CEP63: variants seen among roughly 807,000 people sequenced by gnomAD.
CEP63 encodes centrosomal protein 63.
In CEP63, 84 loss-of-function variants were observed where a neutral mutation model predicts 89.1. The observed-to-expected ratio is 0.94, with a 90% CI of 0.79 to 1.13. CEP63 has a LOEUF of 1.13. Among genes scored for constraint, CEP63 ranks in the 50% most tolerant of loss-of-function variants. The pLI, the probability that CEP63 is intolerant of heterozygous loss-of-function variation, is 0.00. For missense variants in CEP63, 838 were observed against 813.3 expected, an observed-to-expected ratio of 1.03 and a Z score of -0.37; for synonymous variants, 267 against 272.5, an observed-to-expected ratio of 0.98 and a Z score of 0.20.
chr3:134,521,403 A>G (rs542066434), intron 3 of CEP63, among the ~76,000 whole-genome samples: 16 of 151,284 alleles, frequency 1.1e-4, no homozygotes, highest in African/African-American at 3.6e-4. Context: ...GTAGTAGAAG[A>G]TACACATTTT....
chr3:134,642,289 A>G, the CEP63 span, among the ~76,000 whole-genome samples: 2 of 152,152 alleles, frequency 1.3e-5, no homozygotes, highest in Non-Finnish European at 2.9e-5. Context: ...CATATGGGGC[A>G]TGGGGGAAAT....
In CEP63 at chr3:134,550,054, T is replaced by G. The variant is rs749009577; in HGVS notation, c.1183-9T>G. The G allele has an allele frequency of 1.5e-5, 24 of 1,606,402 alleles. No individual in the cohort carries two copies. Among genetic ancestry groups the G allele is most frequent in the Non-Finnish European group, 2.0e-5 (23 of 1,173,084 alleles). On this transcript the variant is annotated splice_polypyrimidine_tract_variant and intron_variant, in intron 10 of 14. Transcript: ENST00000675561. ...AACTTTTGGTGCTTTCTTTTCTGCT[T>G]CTTTATAGTTGAAAGAACAGATTTT...
the CEP63 span, among the ~76,000 whole-genome samples, chr3:134,684,620 C>T: frequency 6.6e-6 from 1 of 152,246 alleles, no homozygotes; most frequent in Non-Finnish European, 1.5e-5. Flanking sequence ...CCGACTGGGC[C>T]GGGCACATTG....
At chr3:134,651,340 C>T in the CEP63 span, 25 of 1,157,062 alleles carry the variant, frequency 2.2e-5, no homozygotes, top group South Asian at 1.8e-4. Context: ...TCTGGCTGAG[C>T]GCTGCCTCAT....
At chr3:134,625,251 A>G in the CEP63 span, 1 of 793,072 alleles carries the variant, frequency 1.3e-6, no homozygotes, top group Non-Finnish European at 2.1e-6. Context: ...CACAATTCTC[A>G]AAGCCTGAAA....
At chr3:134,701,822 A>G in the CEP63 span, among the ~76,000 whole-genome samples, 1 of 152,210 alleles carries the variant, frequency 6.6e-6, no homozygotes, top group Non-Finnish European at 1.5e-5. Context: ...CTATATCTAG[A>G]AAACCCCATC....
the CEP63 span, among the ~76,000 whole-genome samples, chr3:134,638,056 T>C: frequency 3.9e-5 from 6 of 152,194 alleles, no homozygotes; most frequent in Non-Finnish European, 7.3e-5. Context: ...TGCTTAGCAT[T>C]CCCTCAAGGA....
the CEP63 span, among the ~76,000 whole-genome samples, chr3:134,672,467 G>C: frequency 3.3e-5 from 5 of 152,258 alleles, no homozygotes; most frequent in Admixed American, 6.5e-5. Context: ...GAATATGGTT[G>C]CTAAATTCAA....
At chr3:134,688,257 A>G in the CEP63 span, among the ~76,000 whole-genome samples, 396 of 152,358 alleles carry the variant, frequency 2.6e-3, 3 homozygotes, top group African/African-American at 8.9e-3. Flanking sequence ...GTATGGATCA[A>G]CATACTATAA....
At chr3:134,639,589 G>A in the CEP63 span, among the ~76,000 whole-genome samples, 2 of 152,186 alleles carry the variant, frequency 1.3e-5, no homozygotes, top group Non-Finnish European at 2.9e-5. Flanking sequence ...CAAAGTGTTT[G>A]CATGGGGATA....
At chr3:134,503,100 CTTTTTTT>C (rs34673408) in intron 2 of CEP63, among the ~76,000 whole-genome samples, 10 of 92,020 alleles carry the variant, frequency 1.1e-4, no homozygotes, top group African/African-American at 1.3e-4. Context: ...TGATTTCAAT[CTTTTTTT>C]TTTTTTTTTT....
chr3:134,537,360 T>C, intron 6 of CEP63, 92 bp downstream of exon 6: 2 of 804,984 alleles, frequency 2.5e-6, no homozygotes, highest in East Asian at 5.2e-5. Context: ...CCATTTAGCC[T>C]CTTTCAGCTT....
At chr3:134,546,372 A>G in intron 8 of CEP63, 84 bp downstream of exon 8, 1 of 1,301,954 alleles carries the variant, frequency 7.7e-7, no homozygotes, top group Non-Finnish European at 1.1e-6. Context: ...TTTTATTTTT[A>G]TTTTATTTTC....
At chr3:134,607,013 A>C in the CEP63 span, 1 of 984,392 alleles carries the variant, frequency 1.0e-6, no homozygotes, top group Non-Finnish European at 1.2e-6. Context: ...AGATATATGG[A>C]ATCATATTTA....
At chr3:134,546,345 A>C (rs1262437178) in intron 8 of CEP63, 57 bp downstream of exon 8, 2 of 1,409,604 alleles carry the variant, frequency 1.4e-6, no homozygotes, top group Non-Finnish European at 2.0e-6. Flanking sequence ...GGTATTAAGC[A>C]CTAGGCTTAT....
chr3:134,779,278 T>G, the CEP63 span, among the ~76,000 whole-genome samples: 1 of 152,234 alleles, frequency 6.6e-6, no homozygotes, highest in East Asian at 1.9e-4. Context: ...CTTAGAAGTA[T>G]CTCATGTGAT....
At chr3:134,776,749 A>C in the CEP63 span, among the ~76,000 whole-genome samples, 3 of 152,158 alleles carry the variant, frequency 2.0e-5, no homozygotes, top group Admixed American at 2.0e-4. Context: ...TATTCTCCAG[A>C]GTTGGAGGTC....
At chr3:134,671,756 G>A in the CEP63 span, among the ~76,000 whole-genome samples, 1 of 152,224 alleles carries the variant, frequency 6.6e-6, no homozygotes, top group African/African-American at 2.4e-5. Flanking sequence ...TGGCAGAGTG[G>A]TGGGGGTGGC....
At chr3:134,665,787 GGACA>G in the CEP63 span, among the ~76,000 whole-genome samples, 1 of 150,210 alleles carries the variant, frequency 6.7e-6, no homozygotes, top group African/African-American at 2.5e-5. Flanking sequence ...AGAGACATAG[GGACA>G]GACAGAGGAA....
Sources: allele counts gnomAD v4.1 joint callset (sites outside exome capture counted in the v4.1 genomes callset), GRCh38; gene constraint gnomAD v4.1.1; transcripts MANE v1.5; gene names NCBI Gene and HGNC (gene_info 2026-07-23, HGNC 2026-07-21).